The following DDX17 variants were observed in gnomAD, a reference collection of about 807,000 sequenced individuals.
DDX17 encodes the protein DEAD-box helicase 17.
In DDX17, 10 loss-of-function variants were observed where a neutral mutation model predicts 80.8. The observed-to-expected ratio is 0.12, with a 90% CI of 0.08 to 0.21. DDX17 has a LOEUF of 0.21. Among genes scored for constraint, DDX17 ranks in the 10% least tolerant of loss-of-function variants. The pLI, the probability that DDX17 is intolerant of heterozygous loss-of-function variation, is 1.00. For missense variants in DDX17, 586 were observed against 957.4 expected (o/e 0.61, Z 5.12); for synonymous variants, 339 against 336.2 (o/e 1.01, Z -0.09).
intron 1 of DDX17, among the ~76,000 whole-genome samples, chr22:38,504,595 T>C (rs1014244815): frequency 1.3e-5 from 2 of 152,106 alleles, no homozygotes; most frequent in African/African-American, 4.8e-5. Flanking sequence ...CTCTAAACAA[T>C]GAGATAAAAT....
intron 5 of DDX17, 119 bp downstream of exon 5, chr22:38,497,966 C>A: frequency 1.1e-6 from 1 of 882,738 alleles, no homozygotes; most frequent in Non-Finnish European, 1.7e-6. Flanking sequence ...AGAATGAAAC[C>A]ATTTCCACCT....
At chr22:38,494,444 A>G in intron 8 of DDX17, 186 bp downstream of exon 8, 1 of 680,238 alleles carries the variant, frequency 1.5e-6, no homozygotes, top group Non-Finnish European at 2.4e-6. Flanking sequence ...AAACTCAAGA[A>G]TTCAGAATCC....
chr22:38,490,073 T>C (rs2089698100), intron 11 of DDX17: 1 of 1,071,654 alleles, frequency 9.3e-7, no homozygotes, highest in Admixed American at 4.9e-5. Flanking sequence ...ATGATGCAAG[T>C]TCTTCATACT....
Position 38,497,165 on chromosome 22 carries a change from G to A in DDX17, c.738+920C>T, listed in dbSNP as rs564129719. The stretch of plus-strand genomic sequence containing the variant: ...ACAAAAATTAGCTGGGTGTGGCGGC[G>A]CATGCCTGTAATCCCAGCTGCTTGG... On this transcript the variant is annotated intron_variant, in intron 5 of 12. Coordinates refer to ENST00000403230, the MANE Select transcript of DDX17 (RefSeq NM_006386.5). Among the ~76,000 whole-genome samples the A allele has an allele frequency of 6.6e-5, 10 of 151,344 alleles. No individual in the cohort carries two copies. The East Asian group carries it at 7.8e-4, about 12-fold the overall frequency.
Position 38,506,223 on chromosome 22 carries a change from A to C in DDX17, c.15T>G (p.Phe5Leu). 1 of 1,605,678 alleles carries C rather than the reference A, an allele frequency of 6.2e-7. No individual in the cohort carries two copies. The highest frequency in any genetic ancestry group is 1.1e-5 in the South Asian group (1 of 90,010). The change falls in exon 1 of 13, where the codon TTT (phenylalanine) becomes TTG (leucine). Residue 5 changes from phenylalanine (F) to leucine (L), a missense_variant. Around this residue, in one of 4 missense-constraint regions of DDX17, gnomAD observed 215 missense variants for 238.4 expected, o/e 0.90. Coordinates refer to ENST00000403230, the MANE Select transcript of DDX17 (RefSeq NM_006386.5). ...GCAAAACACAGAGAATCGGGGCTAC[A>C]AAGCCGGTGGGCAGGTTTGGCTACG...
At chr22:38,490,176 G>A in intron 11 of DDX17, 2 of 1,187,286 alleles carry the variant, frequency 1.7e-6, no homozygotes, top group African/African-American at 3.2e-5. Flanking sequence ...CTACCCTGAT[G>A]TTATCTGTGC....
At chr22:38,495,246 ATT>A (rs138442) in intron 6 of DDX17, among the ~76,000 whole-genome samples, 200 bp from the exon 7 acceptor site, 1 of 130,678 alleles carries the variant, frequency 7.7e-6, no homozygotes. Context: ...CAGAGAAGCT[ATT>A]TTTTTTTTTT....
intron 8 of DDX17, 136 bp downstream of exon 8, chr22:38,494,494 T>C (rs2089742411): frequency 2.6e-6 from 2 of 777,378 alleles, no homozygotes; most frequent in East Asian, 2.7e-5. Flanking sequence ...GATATGATGA[T>C]GGATTATCAG....
rs1445941467 is a variant in DDX17 at position 38,505,954 on chromosome 22, C to T, written c.284G>A (p.Gly95Glu). The change falls in exon 1 of 13, where the codon GGA becomes GAA. Residue 95 changes from glycine (G) to glutamate (E), a missense_variant. Gly to Glu is a moderately conservative substitution (Grantham distance 98). Around this residue, in one of 4 missense-constraint regions of DDX17, gnomAD observed 215 missense variants for 238.4 expected, o/e 0.90. Transcript: ENST00000403230. ...TCCTCTCCTCCCCCACCCTTACCCT[C>T]CACGGTCACGATCCCGGTCCCGGTC... 2 of 1,576,634 alleles carry T rather than the reference C, an allele frequency of 1.3e-6. No individual in the cohort carries two copies. Among genetic ancestry groups the T allele is most frequent in the Non-Finnish European group, 8.6e-7 (1 of 1,161,464 alleles).
At chr22:38,486,892 C>T (rs1228613712) in intron 12 of DDX17, among the ~76,000 whole-genome samples, 2 of 152,046 alleles carry the variant, frequency 1.3e-5, no homozygotes, top group East Asian at 1.9e-4. Context: ...CAACCATGAC[C>T]GGGGGCACAC....
chr22:38,494,720 G>T lies in DDX17; in HGVS notation c.1124C>A (p.Thr375Asn). The T allele has an allele frequency of 6.2e-7, 1 of 1,614,126 alleles. No homozygotes were observed. Reference sequence around the variant, plus strand: ...CTCCAGATTGCCTACGTTGATCTGGGTGTAATCACGAAGGAAATCCTCTGC... The same window carrying T: ...CTCCAGATTGCCTACGTTGATCTGGTTGTAATCACGAAGGAAATCCTCTGC... The change falls in exon 8 of 13, where the codon ACC becomes AAC. Residue 375 changes from threonine to asparagine, a missense_variant. Around this residue, in one of 4 missense-constraint regions of DDX17, gnomAD observed 141 missense variants for 379.3 expected, o/e 0.37. Transcript: ENST00000403230.
At chr22:38,502,219 T>G (rs949905522) in intron 1 of DDX17, among the ~76,000 whole-genome samples, 4 of 152,182 alleles carry the variant, frequency 2.6e-5, no homozygotes, top group Admixed American at 2.0e-4. Context: ...GAGACCAGCC[T>G]GGCCAATATA....
chr22:38,500,175 CAA>C (rs138451), intron 2 of DDX17, among the ~76,000 whole-genome samples: 1 of 132,144 alleles, frequency 7.6e-6, no homozygotes, highest in Non-Finnish European at 1.6e-5. Context: ...GACTTCACCT[CAA>C]AAAAAAAAAA....
intron 10 of DDX17, 200 bp downstream of exon 10, chr22:38,493,510 T>C (rs939569316): frequency 1.1e-5 from 6 of 569,160 alleles, no homozygotes; most frequent in Admixed American, 3.3e-5. Flanking sequence ...TCTTTACATA[T>C]TATCTACAGC....
In DDX17 at chr22:38,485,839, GA is replaced by G. The variant is rs762776406; in HGVS notation, c.*95del. 3.7e-5 allele frequency: 50 copies of G among 1,343,662 alleles called. No homozygotes were observed. The highest frequency in any genetic ancestry group is 3.1e-4 in the African/African-American group (20 of 65,286). The allele number at this position is 1,343,662 out of a possible 1,614,324, so 83.2% of individuals were successfully genotyped here. A position where few individuals can be genotyped will look rare whatever the true frequency, so the allele number is the denominator to read the frequency against. On this transcript the variant is annotated 3_prime_UTR_variant, in exon 13 of 13. Coordinates refer to ENST00000403230, the MANE Select transcript of DDX17 (RefSeq NM_006386.5). The stretch of plus-strand genomic sequence containing the variant: ...AATTAAAAAAAAAAAAAGAAAAAAG[GA>G]AAAAAAAAGAAAAGGCGAAGAGGAA...
rs1402696832 is a variant in DDX17, at chr22:38,485,688, ATATATATT to A, written c.*239_*246del. The A allele has an allele frequency of 7.0e-5, 4 of 57,078 alleles. No individual in the cohort carries two copies. Among genetic ancestry groups the A allele is most frequent in the South Asian group, 4.5e-4 (2 of 4,450 alleles). 3.5% of individuals were successfully genotyped at this position (57,078 alleles called of 1,614,324 possible). A position where few individuals can be genotyped will look rare whatever the true frequency, so the allele number is the denominator to read the frequency against. On this transcript the variant is annotated 3_prime_UTR_variant, in exon 13 of 13. Transcript: ENST00000403230. ...CTCTTCCAGTCAGCTATATATATAT[ATATATATT>A]TTTTTTTTTTTTACAAAATGTTATT... is the stretch of plus-strand genomic sequence containing the variant.
At chr22:38,501,528 A>G (rs1361610298) in intron 1 of DDX17, among the ~76,000 whole-genome samples, 2 of 152,202 alleles carry the variant, frequency 1.3e-5, no homozygotes, top group Non-Finnish European at 2.9e-5. Context: ...ATTGAGAGAA[A>G]TACATCCTAG....
intron 7 of DDX17, 35 bp from the exon 8 acceptor site, chr22:38,494,837 G>T: frequency 1.9e-6 from 3 of 1,613,924 alleles, no homozygotes; most frequent in Non-Finnish European, 2.5e-6. Context: ...TTCAGGCTAA[G>T]GAACTTGGAC....
At chr22:38,486,592 T>C (rs762532678) in intron 12 of DDX17, 152 bp from the exon 13 acceptor site, 6 of 1,224,732 alleles carry the variant, frequency 4.9e-6, no homozygotes, top group Non-Finnish European at 6.6e-6. Flanking sequence ...AAAAATATAC[T>C]CATAATTTGA....
Sources: gnomAD v4.1 joint callset for allele counts (sites outside exome capture counted in the v4.1 genomes callset) on GRCh38, gnomAD v4.1.1 for gene constraint, gnomAD v4.1.1 regional missense constraint, MANE v1.5 for transcripts, NCBI Gene and HGNC (gene_info 2026-07-23, HGNC 2026-07-21) for gene names.